The following CNTN1 variants were observed in gnomAD, a reference collection of about 807,000 sequenced individuals.
The protein encoded by CNTN1 is contactin-1.
Under a neutral mutation model 126.4 loss-of-function variants are expected in CNTN1, and 38 were observed. The observed-to-expected ratio is 0.30, with a 90% confidence interval of 0.23 to 0.39. CNTN1 has a LOEUF of 0.39. Ranked by LOEUF, CNTN1 falls within the 10% of genes least tolerant of loss-of-function variation. CNTN1 has a pLI of 1.00. For synonymous variants in CNTN1, 413 were observed against 422.6 expected, an observed-to-expected ratio of 0.98 and a Z score of 0.28; for missense variants, 1,009 against 1,248.4, an observed-to-expected ratio of 0.81 and a Z score of 2.89.
Position 40,844,860 on chromosome 12 carries a change from C to T in CNTN1, c.-76-63497C>T, listed in dbSNP as rs1448249552. Among the ~76,000 whole-genome samples, 7 of 152,138 alleles carry T rather than the reference C, an allele frequency of 4.6e-5. No individual in the cohort carries two copies. In the East Asian group the frequency reaches 1.2e-3, roughly 25 times the overall value. On this transcript the variant is annotated intron_variant, in intron 1 of 23. Transcript: ENST00000551295. The stretch of plus-strand genomic sequence containing the variant: ...AGTTTAATGTTCTTTATGTGAATTA[C>T]ATTTTTAGTTTGAGGGAAAATATTT...
chr12:40,833,056 A>T (rs2772478), intron 1 of CNTN1, among the ~76,000 whole-genome samples: 36,699 of 150,662 alleles, frequency 0.24, 4,953 homozygotes, highest in South Asian at 0.36. Context: ...TGGGTTTAAC[A>T]AGTTATCTTT....
intron 11 of CNTN1, 98 bp downstream of exon 11, chr12:40,937,785 TTA>T: frequency 1.3e-6 from 1 of 794,344 alleles, no homozygotes; most frequent in Non-Finnish European, 2.3e-6. Context: ...CAGTATTGTG[TTA>T]GGTGTACAAC....
intron 1 of CNTN1, among the ~76,000 whole-genome samples, chr12:40,713,844 T>C (rs1345442972): frequency 6.6e-6 from 1 of 152,122 alleles, no homozygotes; most frequent in Non-Finnish European, 1.5e-5. Flanking sequence ...ATATGTCTTT[T>C]CCACATTTAG....
At chr12:40,927,939 ATG>A (rs1356077850) in intron 6 of CNTN1, among the ~76,000 whole-genome samples, 1 of 152,020 alleles carries the variant, frequency 6.6e-6, no homozygotes, top group Non-Finnish European at 1.5e-5. Context: ...GCACAGGAAA[ATG>A]TCTTACATTT....
At chr12:40,955,888 T>C (rs1375270836) in intron 14 of CNTN1, among the ~76,000 whole-genome samples, 1 of 152,020 alleles carries the variant, frequency 6.6e-6, no homozygotes, top group Non-Finnish European at 1.5e-5. Context: ...GGTGGGGCAA[T>C]CCAGGCAATG....
At chr12:40,908,730 G>C (rs1244175057) in intron 2 of CNTN1, among the ~76,000 whole-genome samples, 1 of 152,038 alleles carries the variant, frequency 6.6e-6, no homozygotes, top group Non-Finnish European at 1.5e-5. Context: ...CTAGATCTCT[G>C]GGGAGATCCC....
chr12:41,009,706 G>A (rs1948598038), intron 17 of CNTN1, among the ~76,000 whole-genome samples: 1 of 152,168 alleles, frequency 6.6e-6, no homozygotes. Context: ...CAGGTTATTA[G>A]TAATGGCTTC....
At chr12:40,996,046 T>C (rs1948204402) in intron 17 of CNTN1, among the ~76,000 whole-genome samples, 3 of 152,172 alleles carry the variant, frequency 2.0e-5, no homozygotes, top group East Asian at 3.8e-4. Flanking sequence ...GTGGGCAGTA[T>C]TGTGGCTCCG....
chr12:40,925,842 G>GTA (rs769314764), intron 6 of CNTN1, among the ~76,000 whole-genome samples: 10 of 129,198 alleles, frequency 7.7e-5, no homozygotes, highest in African/African-American at 2.8e-4. Flanking sequence ...ATGTGTGTGT[G>GTA]TGTATATATA....
chr12:40,880,525 G>A lies in CNTN1; in HGVS notation c.-76-27832G>A, dbSNP rs534247607. On this transcript the variant is annotated intron_variant, in intron 1 of 23. Coordinates refer to ENST00000551295, the MANE Select transcript of CNTN1 (RefSeq NM_001843.4). ...GATATAGAAGTGAGAATGCTAGAAA[G>A]GAGAGATTTTAATCATTATTCAAAA... Among the ~76,000 whole-genome samples, 37 of 152,076 alleles carry A rather than the reference G, an allele frequency of 2.4e-4. 1 individual carries two copies. The South Asian group carries it at 6.2e-3, about 26-fold the overall frequency.
At chr12:40,925,463 TGTGTG>T (rs1945609763) in intron 6 of CNTN1, among the ~76,000 whole-genome samples, 1 of 151,152 alleles carries the variant, frequency 6.6e-6, no homozygotes, top group Non-Finnish European at 1.5e-5. Context: ...CAATCTGATG[TGTGTG>T]TATGTACATA....
intron 23 of CNTN1, among the ~76,000 whole-genome samples, chr12:41,049,865 T>C (rs1949632217): frequency 6.6e-6 from 1 of 152,240 alleles, no homozygotes; most frequent in Admixed American, 6.5e-5. Context: ...TTTCCCAATG[T>C]CCTGCAAAAT....
intron 14 of CNTN1, 85 bp from the exon 15 acceptor site, chr12:40,959,029 G>A (rs1947005119): frequency 1.7e-5 from 27 of 1,548,906 alleles, no homozygotes; most frequent in Non-Finnish European, 2.2e-5. Flanking sequence ...ATTTTGTTAG[G>A]GGAAAAAACT....
At chr12:40,985,699 T>C (rs552046499) in intron 16 of CNTN1, among the ~76,000 whole-genome samples, 1 of 152,232 alleles carries the variant, frequency 6.6e-6, no homozygotes, top group Non-Finnish European at 1.5e-5. Flanking sequence ...GCTTGGCTTC[T>C]TGTATTCTTA....
At chr12:40,901,057 T>C (rs1462493330) in intron 1 of CNTN1, among the ~76,000 whole-genome samples, 1 of 152,218 alleles carries the variant, frequency 6.6e-6, no homozygotes, top group Non-Finnish European at 1.5e-5. Flanking sequence ...GCATATCTGC[T>C]TAAAATCTTA....
chr12:40,942,065 A>G (rs1454463408), intron 12 of CNTN1, among the ~76,000 whole-genome samples: 1 of 152,154 alleles, frequency 6.6e-6, no homozygotes, highest in Non-Finnish European at 1.5e-5. Flanking sequence ...GCATGATTTA[A>G]GAAAGAATCA....
intron 15 of CNTN1, among the ~76,000 whole-genome samples, chr12:40,980,296 A>G (rs962802283): frequency 1.3e-5 from 2 of 151,890 alleles, no homozygotes; most frequent in African/African-American, 4.8e-5. Flanking sequence ...GCACACAAAA[A>G]TTAGTTGGGT....
chr12:40,715,054 C>T (rs1249347951), intron 1 of CNTN1, among the ~76,000 whole-genome samples: 1 of 152,060 alleles, frequency 6.6e-6, no homozygotes, highest in Non-Finnish European at 1.5e-5. Context: ...AAATCTAATA[C>T]CATGGATTAA....
chr12:41,012,000 C>T (rs1948667541), intron 17 of CNTN1, among the ~76,000 whole-genome samples: 2 of 152,266 alleles, frequency 1.3e-5, no homozygotes, highest in South Asian at 2.1e-4. Flanking sequence ...GCAGAGTTTT[C>T]CCATTCACAG....
Sources: gnomAD v4.1 joint callset for allele counts (sites outside exome capture counted in the v4.1 genomes callset) on GRCh38, gnomAD v4.1.1 for gene constraint, MANE v1.5 for transcripts, NCBI Gene and HGNC (gene_info 2026-07-23, HGNC 2026-07-21) for gene names.